Variants in RPS6KA2 observed in about 807,000 individuals in gnomAD.
RPS6KA2 encodes ribosomal protein S6 kinase A2.
In RPS6KA2, 42 loss-of-function variants were observed where a neutral mutation model predicts 91.8. The observed-to-expected ratio is 0.46, with a 90% confidence interval of 0.36 to 0.59. RPS6KA2 has a LOEUF of 0.59. Ranked by LOEUF, RPS6KA2 falls within the 20% of genes least tolerant of loss-of-function variation. RPS6KA2 has a pLI of 0.00. For synonymous variants in RPS6KA2, 414 were observed against 393.6 expected, an observed-to-expected ratio of 1.05 and a Z score of -0.61; for missense variants, 798 against 978.5, an observed-to-expected ratio of 0.82 and a Z score of 2.46.
rs1306342964 is a variant in RPS6KA2 at position 166,611,175 on chromosome 6, G to A, written c.99+15746C>T. 2.0e-5 allele frequency among the ~76,000 whole-genome samples: 3 copies of A among 152,084 alleles called. No homozygotes were observed. In the East Asian group the frequency reaches 5.8e-4, roughly 29 times the overall value. On this transcript the variant is annotated intron_variant, in intron 1 of 20. Transcript: ENST00000265678. ...ACTATGTTTTGAAGCAAATTTAAAA[G>A]TATTATTATATTTTCCAAATATACA...
chr6:166,840,944 C>T (rs1360804547), intron 2 of RPS6KA2, among the ~76,000 whole-genome samples: 2 of 150,850 alleles, frequency 1.3e-5, no homozygotes, highest in Non-Finnish European at 1.5e-5. Flanking sequence ...GCCTGGGCAA[C>T]AAGAGCGAAA....
At chr6:166,688,210 T>G (rs1186995647) in intron 2 of RPS6KA2, among the ~76,000 whole-genome samples, 1 of 152,156 alleles carries the variant, frequency 6.6e-6, no homozygotes, top group African/African-American at 2.4e-5. Flanking sequence ...CTCTTTTGTC[T>G]GCTCTGCCTG....
chr6:166,699,301 A>G (rs1789442354), intron 2 of RPS6KA2, among the ~76,000 whole-genome samples: 3 of 152,232 alleles, frequency 2.0e-5, no homozygotes, highest in African/African-American at 7.2e-5. Context: ...GTGGGTTCTC[A>G]GGAGCCATCA....
intron 2 of RPS6KA2, among the ~76,000 whole-genome samples, chr6:166,654,645 CCTCCAGTT>C (rs2128555226): frequency 6.6e-6 from 1 of 152,314 alleles, no homozygotes; most frequent in Non-Finnish European, 1.5e-5. Flanking sequence ...AATGAAGTAT[CCTCCAGTT>C]TTTGTTGCTG....
At chr6:166,571,614 G>A (rs2128510035) in intron 1 of RPS6KA2, among the ~76,000 whole-genome samples, 1 of 149,948 alleles carries the variant, frequency 6.7e-6, no homozygotes, top group South Asian at 2.1e-4. Flanking sequence ...TAAAATCCAA[G>A]AAATATATTC....
chr6:166,817,074 G>A (rs927497263), intron 2 of RPS6KA2, among the ~76,000 whole-genome samples: 4 of 152,206 alleles, frequency 2.6e-5, no homozygotes, highest in Middle Eastern at 3.2e-3. Flanking sequence ...GAGATTAAAT[G>A]TGTGTGCCTT....
At chr6:166,861,778 A>G (rs1781052158) in intron 1 of RPS6KA2, among the ~76,000 whole-genome samples, 1 of 152,234 alleles carries the variant, frequency 6.6e-6, no homozygotes, top group Admixed American at 6.5e-5. Context: ...AAACTGATGC[A>G]GATTAGTTTG....
intron 2 of RPS6KA2, among the ~76,000 whole-genome samples, chr6:166,759,930 A>G (rs1778122044): frequency 6.6e-6 from 1 of 152,220 alleles, no homozygotes. Context: ...TCGAAGGAGG[A>G]CAATATAAAA....
intron 2 of RPS6KA2, among the ~76,000 whole-genome samples, chr6:166,845,479 T>C (rs1216886647): frequency 6.6e-6 from 1 of 152,116 alleles, no homozygotes; most frequent in African/African-American, 2.4e-5. Context: ...CAAGGCTAGG[T>C]AAATTTAAGA....
At position 166,421,511 on chromosome 6, in the gene RPS6KA2, G is replaced by A. The variant is rs866310429; in HGVS notation, c.1744-1553C>T. On this transcript the variant is annotated intron_variant, in intron 17 of 20. Transcript: ENST00000265678. Reference sequence around the variant, plus strand: ...GCTTCCCCTAGGGACAGCTTTGGATGCATGTGGTCCCACCTGGGACCAGCC... The same window carrying A: ...GCTTCCCCTAGGGACAGCTTTGGATACATGTGGTCCCACCTGGGACCAGCC... 5.6e-4 allele frequency among the ~76,000 whole-genome samples: 85 copies of A among 152,280 alleles called. No homozygotes were observed. In the Middle Eastern group the frequency reaches 0.01, roughly 18 times the overall value.
At chr6:166,779,625 C>T (rs533263017) in intron 2 of RPS6KA2, among the ~76,000 whole-genome samples, 3 of 152,174 alleles carry the variant, frequency 2.0e-5, no homozygotes, top group Non-Finnish European at 2.9e-5. Flanking sequence ...ATCACACAGC[C>T]GTGATCGCCC....
intron 14 of RPS6KA2, among the ~76,000 whole-genome samples, chr6:166,439,252 C>T (rs555847703): frequency 0.012 from 1,791 of 152,254 alleles, 43 homozygotes; most frequent in African/African-American, 0.041. Context: ...GGATTACAGG[C>T]ACGCGCCACC....
intron 14 of RPS6KA2, among the ~76,000 whole-genome samples, chr6:166,442,281 C>T (rs1437898267): frequency 6.6e-6 from 1 of 152,208 alleles, no homozygotes; most frequent in Non-Finnish European, 1.5e-5. Flanking sequence ...ATGCATAGAG[C>T]ATCTGGCTGA....
chr6:166,833,249 A>C (rs1210065505), intron 2 of RPS6KA2, among the ~76,000 whole-genome samples: 1 of 152,252 alleles, frequency 6.6e-6, no homozygotes, highest in Admixed American at 6.5e-5. Flanking sequence ...CCAACAAAGG[A>C]AGGCATCAGG....
intron 10 of RPS6KA2, among the ~76,000 whole-genome samples, chr6:166,479,774 G>A (rs990357587): frequency 2.6e-5 from 4 of 152,234 alleles, no homozygotes; most frequent in South Asian, 2.1e-4. Flanking sequence ...AGAAGCACCC[G>A]CTGTAGGAGC....
chr6:166,620,746 C>T (rs1786595305), intron 1 of RPS6KA2, among the ~76,000 whole-genome samples: 1 of 152,274 alleles, frequency 6.6e-6, no homozygotes, highest in Admixed American at 6.5e-5. Flanking sequence ...TGACAAGGCA[C>T]ATTTCACTGA....
At chr6:166,734,216 C>T (rs1217494177) in intron 2 of RPS6KA2, among the ~76,000 whole-genome samples, 2 of 152,206 alleles carry the variant, frequency 1.3e-5, no homozygotes, top group African/African-American at 4.8e-5. Context: ...GCAATTCTCA[C>T]TCTTCTTACT....
At chr6:166,768,568 CA>C (rs1778383153) in intron 2 of RPS6KA2, among the ~76,000 whole-genome samples, 1 of 151,986 alleles carries the variant, frequency 6.6e-6, no homozygotes, top group South Asian at 2.1e-4. Context: ...TGTTGAACAT[CA>C]ACTTTTGTAG....
At chr6:166,643,372 T>C (rs1178400762) in intron 2 of RPS6KA2, among the ~76,000 whole-genome samples, 1 of 152,042 alleles carries the variant, frequency 6.6e-6, no homozygotes, top group African/African-American at 2.4e-5. Flanking sequence ...AAGTTTCAAA[T>C]AAAATAATGG....
Sources: gnomAD v4.1 joint callset for allele counts (sites outside exome capture counted in the v4.1 genomes callset) on GRCh38, gnomAD v4.1.1 for gene constraint, MANE v1.5 for transcripts, NCBI Gene and HGNC (gene_info 2026-07-23, HGNC 2026-07-21) for gene names.